The following PHF24 variants were observed in gnomAD, a reference collection of about 807,000 sequenced individuals.
PHF24 encodes the protein PHD finger protein 24.
A neutral mutation model predicts 42.6 loss-of-function variants in PHF24; 25 were observed. The observed-to-expected ratio is 0.59, with a 90% CI of 0.43 to 0.82. The LOEUF (loss-of-function observed/expected upper bound fraction) is 0.82, where lower values mean the gene tolerates loss of function less well. Among genes scored for constraint, PHF24 ranks in the 40% least tolerant of loss-of-function variants. The pLI, the probability that PHF24 is intolerant of heterozygous loss-of-function variation, is 0.00. For synonymous variants in PHF24, 185 were observed against 204.8 expected, an observed-to-expected ratio of 0.90 and a Z score of 0.83; for missense variants, 470 against 538.1, an observed-to-expected ratio of 0.87 and a Z score of 1.25.
the PHF24 span, among the ~76,000 whole-genome samples, chr9:34,708,768 T>G: frequency 6.6e-6 from 1 of 152,116 alleles, no homozygotes; most frequent in South Asian, 2.1e-4. Context: ...CTGTTGGGGG[T>G]GTGTGCTCCA....
the PHF24 span, among the ~76,000 whole-genome samples, chr9:34,673,266 G>T: frequency 6.7e-6 from 1 of 149,256 alleles, no homozygotes; most frequent in Admixed American, 6.8e-5. Flanking sequence ...GAGGCAGGAG[G>T]ATTCTCTAAC....
chr9:34,686,433 T>C, the PHF24 span, among the ~76,000 whole-genome samples: 1 of 152,066 alleles, frequency 6.6e-6, no homozygotes, highest in Non-Finnish European at 1.5e-5. Flanking sequence ...GGGCGGGGCA[T>C]GGTGGGAAAA....
the PHF24 span, chr9:34,665,705 G>C: frequency 1.4e-6 from 1 of 700,778 alleles, no homozygotes; most frequent in South Asian, 1.5e-5. Flanking sequence ...GATTGAATCA[G>C]GGATTCCCTA....
chr9:34,804,401 G>T, the PHF24 span, among the ~76,000 whole-genome samples: 2 of 152,138 alleles, frequency 1.3e-5, no homozygotes, highest in Admixed American at 1.3e-4. Flanking sequence ...AGGCTTAAGG[G>T]CAGTGTTATA....
chr9:34,871,207 T>A, the PHF24 span, among the ~76,000 whole-genome samples: 1 of 152,238 alleles, frequency 6.6e-6, no homozygotes, highest in African/African-American at 2.4e-5. Flanking sequence ...GTGTGGAACA[T>A]CTTTTCACAT....
chr9:34,737,920 T>C, the PHF24 span, among the ~76,000 whole-genome samples: 1 of 152,156 alleles, frequency 6.6e-6, no homozygotes, highest in African/African-American at 2.4e-5. Context: ...AGTGTAAGCA[T>C]TGTTGTGTCA....
the PHF24 span, among the ~76,000 whole-genome samples, chr9:34,802,083 AAATTAGAAAGAAG>A: frequency 9.9e-5 from 15 of 152,220 alleles, no homozygotes; most frequent in Admixed American, 9.2e-4. Flanking sequence ...AAATAAAATG[AAATTAGAAAGAAG>A]AATGGTCTAG....
the PHF24 span, among the ~76,000 whole-genome samples, chr9:34,790,253 G>A: frequency 1.3e-5 from 2 of 152,214 alleles, no homozygotes; most frequent in East Asian, 3.8e-4. Context: ...GTCTGAGGTT[G>A]AACAGGCAGT....
chr9:34,853,882 G>A, the PHF24 span, among the ~76,000 whole-genome samples: 1 of 151,784 alleles, frequency 6.6e-6, no homozygotes, highest in East Asian at 1.9e-4. Flanking sequence ...CCTCTGGTAG[G>A]ATTCAGCTGT....
chr9:34,825,847 C>T, the PHF24 span, among the ~76,000 whole-genome samples: 9 of 152,094 alleles, frequency 5.9e-5, no homozygotes, highest in African/African-American at 2.2e-4. Context: ...CCTGATACAC[C>T]CTAGCTGCTA....
the PHF24 span, among the ~76,000 whole-genome samples, chr9:34,842,522 G>T: frequency 6.6e-6 from 1 of 152,162 alleles, no homozygotes; most frequent in African/African-American, 2.4e-5. Context: ...TGGGATTAAT[G>T]ACTTTATAAA....
At chr9:34,690,187 T>C in the PHF24 span, 1 of 1,613,760 alleles carries the variant, frequency 6.2e-7, no homozygotes, top group East Asian at 2.2e-5. Context: ...GAGATGAGGC[T>C]AGACACCCTC....
At chr9:34,727,910 G>T in the PHF24 span, 1 of 990,948 alleles carries the variant, frequency 1.0e-6, no homozygotes, top group Non-Finnish European at 1.5e-6. Flanking sequence ...CTTCCACTGT[G>T]TATGTCTCCC....
At chr9:34,875,841 G>A in the PHF24 span, among the ~76,000 whole-genome samples, 5 of 150,878 alleles carry the variant, frequency 3.3e-5, no homozygotes, top group East Asian at 2.0e-4. Flanking sequence ...GGGGCCTATC[G>A]ACCCAGCCTC....
chr9:34,903,999 T>C, the PHF24 span, among the ~76,000 whole-genome samples: 3 of 152,332 alleles, frequency 2.0e-5, no homozygotes, highest in Middle Eastern at 3.4e-3. Context: ...TGTTGGTGTA[T>C]AGAAGCGTTA....
At chr9:34,754,360 A>G in the PHF24 span, among the ~76,000 whole-genome samples, 1 of 152,180 alleles carries the variant, frequency 6.6e-6, no homozygotes, top group African/African-American at 2.4e-5. Flanking sequence ...ATAAATGGGC[A>G]AAATACCTGA....
the PHF24 span, among the ~76,000 whole-genome samples, chr9:34,907,682 C>T: frequency 6.6e-6 from 1 of 152,078 alleles, no homozygotes; most frequent in Non-Finnish European, 1.5e-5. Context: ...ATCCATTGCA[C>T]TCTATCTCTT....
the PHF24 span, among the ~76,000 whole-genome samples, chr9:34,670,986 C>T: frequency 3.3e-5 from 5 of 152,142 alleles, no homozygotes; most frequent in African/African-American, 1.2e-4. Flanking sequence ...GAAAGTGAAG[C>T]TAAATGGAAC....
chr9:34,843,273 A>G, the PHF24 span, among the ~76,000 whole-genome samples: 2 of 152,332 alleles, frequency 1.3e-5, no homozygotes, highest in East Asian at 3.9e-4. Flanking sequence ...TTTGAACCTT[A>G]TGGTTTGTTG....
Sources: gnomAD v4.1 joint callset for allele counts (sites outside exome capture counted in the v4.1 genomes callset) on GRCh38, gnomAD v4.1.1 for gene constraint, MANE v1.5 for transcripts, NCBI Gene and HGNC (gene_info 2026-07-23, HGNC 2026-07-21) for gene names.